FRMD5: variants seen among roughly 807,000 people sequenced by gnomAD.
FRMD5 encodes the protein FERM domain containing 5.
A neutral mutation model predicts 69.0 loss-of-function variants in FRMD5; 20 were observed. The observed-to-expected ratio is 0.29, with a 90% CI of 0.20 to 0.42. The LOEUF (loss-of-function observed/expected upper bound fraction) is 0.42. Among genes scored for constraint, FRMD5 ranks in the 10% least tolerant of loss-of-function variants. The pLI, the probability that FRMD5 is intolerant of heterozygous loss-of-function variation, is 1.00. For missense variants in FRMD5, 595 were observed against 708.6 expected (o/e 0.84, Z 1.82); for synonymous variants, 271 against 260.1 (o/e 1.04, Z -0.40).
chr15:44,133,305 G>A (rs1463914315), intron 1 of FRMD5, among the ~76,000 whole-genome samples: 4 of 151,842 alleles, frequency 2.6e-5, no homozygotes, highest in Non-Finnish European at 4.4e-5. Context: ...GGCCGGGCAC[G>A]GTGGCTCACA....
chr15:44,022,584 G>GA (rs5812262), intron 1 of FRMD5, among the ~76,000 whole-genome samples: 56,525 of 73,444 alleles, frequency 0.77, 22,665 homozygotes, highest in Non-Finnish European at 0.87. Context: ...CACTCCACCA[G>GA]AAAAAAAAAA....
chr15:43,960,861 A>C (rs1198060993), intron 1 of FRMD5, among the ~76,000 whole-genome samples: 4 of 152,258 alleles, frequency 2.6e-5, no homozygotes, highest in African/African-American at 9.6e-5. Flanking sequence ...GAGTAGCAAA[A>C]GTAGACAAAT....
chr15:44,004,945 GA>G (rs1463635838), intron 1 of FRMD5, among the ~76,000 whole-genome samples: 3 of 152,200 alleles, frequency 2.0e-5, no homozygotes, highest in East Asian at 1.9e-4. Flanking sequence ...TGAATAACAG[GA>G]AAGTAAAACA....
At chr15:43,935,788 T>A (rs1477000271) in intron 1 of FRMD5, among the ~76,000 whole-genome samples, 2 of 152,126 alleles carry the variant, frequency 1.3e-5, no homozygotes, top group African/African-American at 4.8e-5. Flanking sequence ...TGCACATTGG[T>A]TGGGATATTA....
chr15:43,984,075 G>T (rs1327741361), intron 1 of FRMD5, among the ~76,000 whole-genome samples: 1 of 152,108 alleles, frequency 6.6e-6, no homozygotes, highest in Non-Finnish European at 1.5e-5. Context: ...GCCAGAATGG[G>T]TATGTAAGCA....
chr15:44,082,787 G>C (rs1224061636), intron 1 of FRMD5, among the ~76,000 whole-genome samples: 1 of 151,980 alleles, frequency 6.6e-6, no homozygotes, highest in African/African-American at 2.4e-5. Context: ...GGGAATGAAA[G>C]ATAAGATATG....
At chr15:43,885,020 A>G (rs996227970) in intron 11 of FRMD5, 33 of 484,600 alleles carry the variant, frequency 6.8e-5, no homozygotes, top group Admixed American at 5.7e-4. Flanking sequence ...AGTCTTTAGG[A>G]TCTTCCATTC....
In FRMD5 at chr15:44,099,979, ACT is replaced by A. The variant is rs1382082771; in HGVS notation, c.102+94972_102+94973del. 3.4e-5 allele frequency among the ~76,000 whole-genome samples: 5 copies of A among 148,032 alleles called. No homozygotes were observed. In the South Asian group the frequency reaches 8.6e-4, roughly 25 times the overall value. On this transcript the variant is annotated intron_variant, in intron 1 of 13. Transcript: ENST00000417257. ...ACAAGCACTCTGAAAGCCCCCCTAC[ACT>A]CTGAGTCTAGCCACACAAAAGCTGA... is the stretch of plus-strand genomic sequence containing the variant.
At chr15:43,994,177 C>T (rs1889817151) in intron 1 of FRMD5, among the ~76,000 whole-genome samples, 1 of 151,932 alleles carries the variant, frequency 6.6e-6, no homozygotes, top group African/African-American at 2.4e-5. Flanking sequence ...TGCTATCTTC[C>T]TTTGTGATTT....
chr15:44,127,904 C>T (rs956973563), intron 1 of FRMD5, among the ~76,000 whole-genome samples: 5 of 151,886 alleles, frequency 3.3e-5, no homozygotes, highest in South Asian at 2.1e-4. Flanking sequence ...CAGCAGATGT[C>T]GATAATATTC....
intron 1 of FRMD5, among the ~76,000 whole-genome samples, chr15:44,005,471 C>CAA (rs55839205): frequency 1.2e-3 from 80 of 69,386 alleles, no homozygotes; most frequent in African/African-American, 2.7e-3. Context: ...AACTCCATCT[C>CAA]AAAAAAAAAA....
intron 1 of FRMD5, among the ~76,000 whole-genome samples, chr15:44,009,266 C>G (rs1226698881): frequency 6.6e-6 from 1 of 152,178 alleles, no homozygotes; most frequent in African/African-American, 2.4e-5. Context: ...GATAATGAGT[C>G]AGAGAGGTAA....
chr15:44,159,589 T>G (rs887767562), intron 1 of FRMD5, among the ~76,000 whole-genome samples: 1 of 152,058 alleles, frequency 6.6e-6, no homozygotes, highest in African/African-American at 2.4e-5. Context: ...GCCTCTCAGG[T>G]TTTGTGCTTG....
At chr15:44,111,373 C>A (rs1016506636) in intron 1 of FRMD5, among the ~76,000 whole-genome samples, 1 of 152,184 alleles carries the variant, frequency 6.6e-6, no homozygotes, top group Non-Finnish European at 1.5e-5. Flanking sequence ...CCTGCCAGCA[C>A]GCATTTTCAG....
chr15:44,084,760 ATT>A, intron 1 of FRMD5, among the ~76,000 whole-genome samples: 1 of 152,210 alleles, frequency 6.6e-6, no homozygotes, highest in African/African-American at 2.4e-5. Flanking sequence ...TGTATCTCAA[ATT>A]TGTTTTTTAA....
intron 1 of FRMD5, among the ~76,000 whole-genome samples, chr15:44,194,041 G>C (rs2706465): frequency 0.12 from 18,237 of 152,162 alleles, 2,619 homozygotes; most frequent in African/African-American, 0.35. Context: ...AACTAAACAC[G>C]GGAGCATTGT....
intron 7 of FRMD5, among the ~76,000 whole-genome samples, chr15:43,901,726 G>A (rs1184229909): frequency 2.0e-5 from 3 of 152,162 alleles, no homozygotes; most frequent in Non-Finnish European, 2.9e-5. Flanking sequence ...CCTCACAGGC[G>A]CATAATGGCA....
intron 1 of FRMD5, among the ~76,000 whole-genome samples, chr15:44,123,659 T>C (rs532019566): frequency 3.9e-5 from 6 of 152,254 alleles, no homozygotes; most frequent in Non-Finnish European, 7.3e-5. Context: ...CAAAAGTTTC[T>C]TGTCCAAAAA....
chr15:43,980,680 A>C (rs1306436626), intron 1 of FRMD5, among the ~76,000 whole-genome samples: 1 of 152,168 alleles, frequency 6.6e-6, no homozygotes, highest in Non-Finnish European at 1.5e-5. Flanking sequence ...CACATCTGAA[A>C]TCTGATTTTT....
Sources: allele counts gnomAD v4.1 joint callset (sites outside exome capture counted in the v4.1 genomes callset), GRCh38; gene constraint gnomAD v4.1.1; transcripts MANE v1.5; gene names NCBI Gene and HGNC (gene_info 2026-07-23, HGNC 2026-07-21).